The following MDGA2 variants were observed in gnomAD, a reference collection of about 807,000 sequenced individuals.
MDGA2 encodes MAM domain containing glycosylphosphatidylinositol anchor 2.
A neutral mutation model predicts 117.8 loss-of-function variants in MDGA2; 40 were observed. That is an observed-to-expected ratio of 0.34 (90% CI 0.26 to 0.44). MDGA2 has a LOEUF of 0.44. Ranked by LOEUF, MDGA2 falls within the 20% of genes least tolerant of loss-of-function variation. The probability of loss-of-function intolerance (pLI) is 1.00; values close to 1 mark genes in which losing one functional copy is unlikely to be tolerated. For synonymous variants in MDGA2, 452 were observed against 439.0 expected (o/e 1.03, Z -0.37); for missense variants, 1,123 against 1,250.6 (o/e 0.90, Z 1.54).
intron 2 of MDGA2, among the ~76,000 whole-genome samples, chr14:47,299,068 T>C (rs1365837778): frequency 6.6e-6 from 1 of 152,140 alleles, no homozygotes; most frequent in East Asian, 1.9e-4. Flanking sequence ...AATAAAAAAA[T>C]ATTGATACCA....
At chr14:47,472,753 C>T (rs1451661560) in intron 1 of MDGA2, among the ~76,000 whole-genome samples, 1 of 152,084 alleles carries the variant, frequency 6.6e-6, no homozygotes, top group Non-Finnish European at 1.5e-5. Flanking sequence ...AGGGCTCCTT[C>T]TTTTACCAGC....
intron 14 of MDGA2, among the ~76,000 whole-genome samples, chr14:46,868,139 A>G (rs1001027518): frequency 2.6e-5 from 4 of 151,954 alleles, no homozygotes; most frequent in African/African-American, 9.7e-5. Context: ...GGAGTTTACA[A>G]TTTTACAGGG....
intron 2 of MDGA2, among the ~76,000 whole-genome samples, chr14:47,266,911 T>A (rs570922505): frequency 2.6e-5 from 4 of 152,296 alleles, no homozygotes; most frequent in South Asian, 2.1e-4. Flanking sequence ...AACATCCCCA[T>A]TCAAAACACT....
At chr14:47,629,806 A>C (rs974192806) in intron 1 of MDGA2, among the ~76,000 whole-genome samples, 3 of 152,210 alleles carry the variant, frequency 2.0e-5, no homozygotes, top group African/African-American at 7.2e-5. Flanking sequence ...AATGTCTACT[A>C]GAGAAGAAAA....
chr14:47,448,299 C>T (rs765838044), intron 1 of MDGA2, among the ~76,000 whole-genome samples: 39 of 152,044 alleles, frequency 2.6e-4, no homozygotes, highest in African/African-American at 8.9e-4. Flanking sequence ...CTGCCATGCT[C>T]AACTAATTTT....
At chr14:47,498,123 T>C (rs968645703) in intron 1 of MDGA2, among the ~76,000 whole-genome samples, 1 of 152,180 alleles carries the variant, frequency 6.6e-6, no homozygotes, top group Non-Finnish European at 1.5e-5. Context: ...AGGCTCCACA[T>C]GGGAGGCAGA....
chr14:47,350,574 CGT>C (rs58312753), intron 1 of MDGA2, among the ~76,000 whole-genome samples: 6,231 of 151,754 alleles, frequency 0.041, 174 homozygotes, highest in African/African-American at 0.076. Context: ...TGTGTGCACG[CGT>C]GTGTGTGTGT....
intron 6 of MDGA2, among the ~76,000 whole-genome samples, chr14:47,070,867 C>T (rs1160263299): frequency 3.3e-5 from 5 of 152,342 alleles, no homozygotes; most frequent in African/African-American, 4.8e-5. Context: ...CTCGGCCTTC[C>T]GAAGTGCTGG....
intron 7 of MDGA2, among the ~76,000 whole-genome samples, chr14:47,036,100 T>C (rs1331467304): frequency 2.0e-5 from 3 of 151,632 alleles, no homozygotes; most frequent in Admixed American, 1.3e-4. Context: ...AAACCCCGTC[T>C]CTACTAAAAA....
intron 9 of MDGA2, among the ~76,000 whole-genome samples, chr14:46,924,438 T>C (rs557746353): frequency 2.0e-5 from 3 of 152,110 alleles, no homozygotes; most frequent in Non-Finnish European, 4.4e-5. Flanking sequence ...TATATAATAC[T>C]GATCAAGACC....
chr14:46,963,494 C>A (rs560707741), intron 8 of MDGA2, among the ~76,000 whole-genome samples: 1 of 152,352 alleles, frequency 6.6e-6, no homozygotes, highest in East Asian at 1.9e-4. Context: ...CTATTCTTGT[C>A]TTGATGACTA....
At chr14:47,072,098 GT>G (rs1167907316) in intron 6 of MDGA2, among the ~76,000 whole-genome samples, 1 of 77,182 alleles carries the variant, frequency 1.3e-5, no homozygotes, top group South Asian at 5.3e-4. Flanking sequence ...GGTTGTTGTT[GT>G]TTGGGGGGGG....
intron 2 of MDGA2, among the ~76,000 whole-genome samples, chr14:47,222,483 C>T (rs773376919): frequency 3.3e-5 from 5 of 152,114 alleles, no homozygotes; most frequent in South Asian, 4.1e-4. Flanking sequence ...TTGACAAACA[C>T]GCAATTGCAG....
chr14:47,449,818 GCAAAAA>G (rs957035365), intron 1 of MDGA2, among the ~76,000 whole-genome samples: 14 of 152,042 alleles, frequency 9.2e-5, no homozygotes, highest in African/African-American at 3.1e-4. Flanking sequence ...GCTTTCTTAT[GCAAAAA>G]CAAAAACAAA....
intron 8 of MDGA2, among the ~76,000 whole-genome samples, chr14:47,004,984 T>A (rs1339084302): frequency 6.6e-6 from 1 of 151,706 alleles, no homozygotes; most frequent in Non-Finnish European, 1.5e-5. Flanking sequence ...TGAACTCATT[T>A]ATTAGCTCTA....
chr14:47,535,712 C>A (rs1247311794), intron 1 of MDGA2, among the ~76,000 whole-genome samples: 1 of 152,136 alleles, frequency 6.6e-6, no homozygotes, highest in Non-Finnish European at 1.5e-5. Context: ...GAAATAGGTG[C>A]AGACTGAAAT....
At chr14:47,008,850 T>C (rs1299538915) in intron 8 of MDGA2, among the ~76,000 whole-genome samples, 1 of 151,986 alleles carries the variant, frequency 6.6e-6, no homozygotes, top group Non-Finnish European at 1.5e-5. Context: ...TATTTAAAAA[T>C]AGGTAAGGTC....
chr14:47,570,444 T>G (rs1408301260), intron 1 of MDGA2, among the ~76,000 whole-genome samples: 1 of 152,192 alleles, frequency 6.6e-6, no homozygotes, highest in Non-Finnish European at 1.5e-5. Flanking sequence ...AGTATACTCA[T>G]GTGCAAAATG....
chr14:47,150,434 C>T (rs1156594862), intron 3 of MDGA2, among the ~76,000 whole-genome samples: 1 of 152,158 alleles, frequency 6.6e-6, no homozygotes, highest in East Asian at 1.9e-4. Flanking sequence ...ATTAATTACA[C>T]TCAGCCTTTC....
Sources: allele counts gnomAD v4.1 joint callset (sites outside exome capture counted in the v4.1 genomes callset), GRCh38; gene constraint gnomAD v4.1.1; transcripts MANE v1.5; gene names NCBI Gene and HGNC (gene_info 2026-07-23, HGNC 2026-07-21).